HTT: variants seen among roughly 807,000 people sequenced by gnomAD.
HTT encodes huntington disease protein.
Under a neutral mutation model 362.3 loss-of-function variants are expected in HTT, and 104 were observed. That is an observed-to-expected ratio of 0.29 (90% CI 0.24 to 0.34). HTT has a LOEUF of 0.34. Among genes scored for constraint, HTT ranks in the 10% least tolerant of loss-of-function variants. The pLI is 1.00. For missense variants in HTT, 3,301 were observed against 3,928.6 expected (o/e 0.84, Z 4.27); for synonymous variants, 1,577 against 1,548.7 (o/e 1.02, Z -0.43).
chr4:3,188,803 C>G, intron 39 of HTT, 148 bp from the exon 40 acceptor site: 1 of 699,602 alleles, frequency 1.4e-6, no homozygotes. Flanking sequence ...GTGTCCACGG[C>G]GACGGCGCTC....
intron 49 of HTT, 140 bp from the exon 50 acceptor site, chr4:3,213,818 G>A: frequency 1.6e-6 from 1 of 624,646 alleles, no homozygotes; most frequent in Non-Finnish European, 2.6e-6. Context: ...AGCCATGTCA[G>A]AGCTGTCCTT....
At chr4:3,213,383 A>G (rs1278167949) in intron 49 of HTT, among the ~76,000 whole-genome samples, 1 of 152,210 alleles carries the variant, frequency 6.6e-6, no homozygotes, top group Admixed American at 6.5e-5. Flanking sequence ...ATTGCTGCTG[A>G]TTATATTATG....
chr4:3,224,929 G>T (rs1720839348), intron 56 of HTT, among the ~76,000 whole-genome samples: 1 of 152,192 alleles, frequency 6.6e-6, no homozygotes, highest in African/African-American at 2.4e-5. Context: ...GTCATAGAAG[G>T]CAGAAAAGAG....
intron 37 of HTT, among the ~76,000 whole-genome samples, chr4:3,184,224 G>A (rs986919591): frequency 2.0e-5 from 3 of 152,038 alleles, no homozygotes; most frequent in Non-Finnish European, 2.9e-5. Context: ...ACCTGGGGAA[G>A]GAACATTCCA....
intron 24 of HTT, among the ~76,000 whole-genome samples, chr4:3,145,538 T>G (rs1716556705): frequency 6.6e-6 from 1 of 152,244 alleles, no homozygotes; most frequent in Non-Finnish European, 1.5e-5. Flanking sequence ...CCAAAATTAT[T>G]TGCTGTGAAT....
chr4:3,115,786 T>C (rs1319833537), intron 7 of HTT, among the ~76,000 whole-genome samples: 1 of 152,182 alleles, frequency 6.6e-6, no homozygotes, highest in Non-Finnish European at 1.5e-5. Context: ...CAGTTGACAG[T>C]TTCTCCTGTT....
At chr4:3,126,736 T>C (rs984803373) in intron 11 of HTT, among the ~76,000 whole-genome samples, 30 of 152,216 alleles carry the variant, frequency 2.0e-4, no homozygotes, top group Non-Finnish European at 3.7e-4. Context: ...TGTTTTTAAA[T>C]GGTAATTTAG....
At chr4:3,185,685 G>A (rs1391001141) in intron 37 of HTT, among the ~76,000 whole-genome samples, 1 of 152,218 alleles carries the variant, frequency 6.6e-6, no homozygotes, top group Non-Finnish European at 1.5e-5. Context: ...GGCCAAGGCA[G>A]GCAGATTGCT....
chr4:3,188,875 T>G, intron 39 of HTT, 76 bp from the exon 40 acceptor site: 2 of 1,357,042 alleles, frequency 1.5e-6, no homozygotes, highest in South Asian at 2.6e-5. Flanking sequence ...TTACCATATA[T>G]CTTTTCATGT....
chr4:3,117,846 T>C (rs968751709), intron 8 of HTT, among the ~76,000 whole-genome samples: 1 of 152,050 alleles, frequency 6.6e-6, no homozygotes, highest in Admixed American at 6.5e-5. Flanking sequence ...AAAACAAAAC[T>C]GCAAAACAAC....
At chr4:3,126,909 G>T (rs1042725703) in intron 11 of HTT, among the ~76,000 whole-genome samples, 1 of 152,152 alleles carries the variant, frequency 6.6e-6, no homozygotes, top group South Asian at 2.1e-4. Flanking sequence ...GTCTGTGACC[G>T]CCTAGCTTTG....
chr4:3,108,538 C>A (rs1714555063), intron 6 of HTT, among the ~76,000 whole-genome samples: 1 of 152,158 alleles, frequency 6.6e-6, no homozygotes, highest in Non-Finnish European at 1.5e-5. Flanking sequence ...TGAAGGCAGT[C>A]CCCTCTGTGA....
intron 2 of HTT, among the ~76,000 whole-genome samples, chr4:3,095,249 G>C (rs546450595): frequency 1.3e-5 from 2 of 152,386 alleles, no homozygotes; most frequent in East Asian, 3.9e-4. Flanking sequence ...TGAGCACTGA[G>C]TGAGCGAGAC....
chr4:3,083,065 A>G (rs1357210576), intron 1 of HTT, among the ~76,000 whole-genome samples: 2 of 152,166 alleles, frequency 1.3e-5, no homozygotes, highest in African/African-American at 2.4e-5. Flanking sequence ...GAAGGCAGAA[A>G]TGCTTTCCAT....
At position 3,224,145 on chromosome 4, in the gene HTT, A is replaced by G. The variant is rs776897995; in HGVS notation, c.7765+14A>G. 5 of 1,613,840 alleles carry G rather than the reference A, an allele frequency of 3.1e-6. No homozygotes were observed. Among genetic ancestry groups the G allele is most frequent in the East Asian group, 2.2e-5 (1 of 44,888 alleles). Reference sequence around the variant, plus strand: ...CGGCTACTACAGGTACCTGAGGGAAAGGGTGCGGGGGAGCGGTTGTACTTG... The same window carrying G: ...CGGCTACTACAGGTACCTGAGGGAAGGGGTGCGGGGGAGCGGTTGTACTTG... On this transcript the variant is annotated intron_variant, in intron 56 of 66. Transcript: ENST00000355072.
At chr4:3,079,737 A>G (rs917038033) in intron 1 of HTT, among the ~76,000 whole-genome samples, 2 of 152,186 alleles carry the variant, frequency 1.3e-5, no homozygotes, top group African/African-American at 4.8e-5. Flanking sequence ...TCTGAATTTC[A>G]ATCTTAAGTG....
intron 53 of HTT, among the ~76,000 whole-genome samples, chr4:3,220,807 G>C (rs955636501): frequency 2.1e-4 from 32 of 152,160 alleles, no homozygotes; most frequent in African/African-American, 7.7e-4. Flanking sequence ...GGCTCAGACA[G>C]TCCTGGTCTG....
At chr4:3,164,613 G>T (rs565920979) in intron 29 of HTT, among the ~76,000 whole-genome samples, 1 of 152,258 alleles carries the variant, frequency 6.6e-6, no homozygotes, top group Non-Finnish European at 1.5e-5. Flanking sequence ...CCTGTATTGG[G>T]GGCGTGTATA....
chr4:3,236,054 C>CG, intron 63 of HTT, 95 bp from the exon 64 acceptor site: 1 of 926,984 alleles, frequency 1.1e-6, no homozygotes, highest in South Asian at 1.3e-5. Flanking sequence ...TTTCAGATCT[C>CG]CAGGGACTCA....
Sources: allele counts gnomAD v4.1 joint callset (sites outside exome capture counted in the v4.1 genomes callset), GRCh38; gene constraint gnomAD v4.1.1; transcripts MANE v1.5; gene names NCBI Gene and HGNC (gene_info 2026-07-23, HGNC 2026-07-21).